The following CBLB variants were observed in gnomAD, a reference collection of about 807,000 sequenced individuals.
The protein encoded by CBLB is E3 ubiquitin-protein ligase CBL-B.
A neutral mutation model predicts 104.9 loss-of-function variants in CBLB; 31 were observed. The observed-to-expected ratio is 0.30, with a 90% CI of 0.22 to 0.40. The LOEUF is 0.40. Among genes scored for constraint, CBLB ranks in the 10% least tolerant of loss-of-function variants. The pLI is 1.00. For missense variants in CBLB, 1,062 were observed against 1,214.6 expected (o/e 0.87, Z 1.87); for synonymous variants, 440 against 422.6 (o/e 1.04, Z -0.51).
Position 105,827,640 on chromosome 3 carries a change from G to A in CBLB, c.419+25774C>T, listed in dbSNP as rs934867339. Among the ~76,000 whole-genome samples the A allele has an allele frequency of 7.2e-5, 11 of 152,146 alleles. 1 individual carries two copies. The highest frequency in any genetic ancestry group is 2.6e-4 in the African/African-American group (11 of 41,510). ...AAAGGGGAGGGAAAGACATGAGGGA[G>A]GAAGACAAAGAAAGGGAGGCAAAGC... On this transcript the variant is annotated intron_variant, in intron 3 of 18. Transcript: ENST00000394030.
chr3:105,858,146 T>C, intron 2 of CBLB, among the ~76,000 whole-genome samples: 1 of 152,196 alleles, frequency 6.6e-6, no homozygotes, highest in Non-Finnish European at 1.5e-5. Flanking sequence ...TAGGCTAAAC[T>C]GTTTTCTAAA....
At chr3:105,808,855 C>T (rs939611552) in intron 3 of CBLB, among the ~76,000 whole-genome samples, 3 of 151,980 alleles carry the variant, frequency 2.0e-5, no homozygotes, top group Admixed American at 6.6e-5. Flanking sequence ...AGGAAAAATG[C>T]AAGAGTATAT....
intron 1 of CBLB, chr3:105,868,096 G>A: frequency 3.7e-6 from 2 of 533,952 alleles, no homozygotes; most frequent in Non-Finnish European, 5.9e-6. Context: ...CAAACGTAAG[G>A]GACAGCTCTG....
At chr3:105,787,103 A>G (rs2081121146) in intron 3 of CBLB, among the ~76,000 whole-genome samples, 1 of 152,202 alleles carries the variant, frequency 6.6e-6, no homozygotes, top group African/African-American at 2.4e-5. Context: ...CATGGCTGTA[A>G]TAACCTACTA....
chr3:105,808,657 G>C (rs1196747641), intron 3 of CBLB, among the ~76,000 whole-genome samples: 1 of 152,048 alleles, frequency 6.6e-6, no homozygotes, highest in African/African-American at 2.4e-5. Flanking sequence ...CTCACTATTT[G>C]AGCCACCAAC....
chr3:105,749,071 A>C (rs1423612439), intron 5 of CBLB, among the ~76,000 whole-genome samples: 1 of 152,242 alleles, frequency 6.6e-6, no homozygotes, highest in Non-Finnish European at 1.5e-5. Context: ...AATACATTTA[A>C]GAAAATCACT....
chr3:105,811,707 T>C (rs2084324381), intron 3 of CBLB, among the ~76,000 whole-genome samples: 1 of 151,960 alleles, frequency 6.6e-6, no homozygotes, highest in Non-Finnish European at 1.5e-5. Context: ...CCTACGAAAA[T>C]TACTTCCTTT....
At chr3:105,726,704 G>GC (rs1703558182) in intron 9 of CBLB, among the ~76,000 whole-genome samples, 1 of 151,910 alleles carries the variant, frequency 6.6e-6, no homozygotes, top group Admixed American at 6.6e-5. Context: ...CCCTCCCCTT[G>GC]CCCCCCAGCC....
chr3:105,704,188 G>T lies in CBLB; in HGVS notation c.1408-15C>A. ...CTGTCAGTGCACTAGAACAGAAAAA[G>T]AGAAAGATGCCGCTGTTTATTAGCT... On this transcript the variant is annotated splice_polypyrimidine_tract_variant and intron_variant, in intron 10 of 18. Transcript: ENST00000394030. 1 of 1,612,166 alleles carries T rather than the reference G, an allele frequency of 6.2e-7. No homozygotes were observed.
intron 18 of CBLB, among the ~76,000 whole-genome samples, chr3:105,664,274 A>C (rs2064130868): frequency 6.6e-6 from 1 of 152,186 alleles, no homozygotes; most frequent in Admixed American, 6.6e-5. Flanking sequence ...ATATAAAGTT[A>C]GGGTTTCTGT....
intron 4 of CBLB, among the ~76,000 whole-genome samples, chr3:105,754,706 C>A (rs940703164): frequency 1.3e-5 from 2 of 152,128 alleles, no homozygotes; most frequent in African/African-American, 4.8e-5. Context: ...AACTGTCAAT[C>A]TACAAAGAAT....
At chr3:105,697,841 A>G (rs1040709391) in intron 12 of CBLB, among the ~76,000 whole-genome samples, 2 of 152,092 alleles carry the variant, frequency 1.3e-5, no homozygotes, top group African/African-American at 4.8e-5. Context: ...AAGAGAACAA[A>G]TAATGACAGT....
At chr3:105,680,632 G>A (rs9832882) in intron 16 of CBLB, among the ~76,000 whole-genome samples, 81,116 of 152,014 alleles carry the variant, frequency 0.53, 22,181 homozygotes, top group Middle Eastern at 0.67. Flanking sequence ...AAAAGATACT[G>A]CAATTGTGTC....
intron 3 of CBLB, among the ~76,000 whole-genome samples, chr3:105,849,692 T>C (rs777727593): frequency 1.3e-5 from 2 of 152,034 alleles, no homozygotes; most frequent in Non-Finnish European, 2.9e-5. Flanking sequence ...TATGATTACA[T>C]CCAATTAAAA....
At chr3:105,795,023 C>A (rs1577257805) in intron 3 of CBLB, among the ~76,000 whole-genome samples, 1 of 152,040 alleles carries the variant, frequency 6.6e-6, no homozygotes, top group Middle Eastern at 3.4e-3. Context: ...AAGAGATTCC[C>A]CTGCCTCAGC....
At position 105,681,577 on chromosome 3, in the gene CBLB, G is replaced by A. The variant is rs147131283; in HGVS notation, c.2330C>T (p.Pro777Leu). Residue 777 changes from proline (P) to leucine (L), a missense_variant, in exon 16 of 19, where the codon CCA (proline) becomes CTA (leucine). By Grantham distance (98) the Pro-to-Leu change is moderately conservative (BLOSUM62 -3). Coordinates refer to ENST00000394030, the MANE Select transcript of CBLB (RefSeq NM_170662.5). ...AGTTGGAGGCCTGGCAGGTGGTAAT[G>A]GCACGGGATCAGAGGCTGAATCAAA... ...DVFDSASDPVPLPPARPPTRD... is the reference protein window; with the variant it reads ...DVFDSASDPVLLPPARPPTRD... The A allele has an allele frequency of 6.2e-7, 1 of 1,613,970 alleles. No individual in the cohort carries two copies. The highest frequency in any genetic ancestry group is 2.2e-5 in the East Asian group (1 of 44,890).
chr3:105,852,162 A>G (rs189358201), intron 3 of CBLB, among the ~76,000 whole-genome samples: 3 of 152,296 alleles, frequency 2.0e-5, no homozygotes, highest in Admixed American at 6.5e-5. Context: ...CAGGCCCTTC[A>G]GGAGGTATTC....
Position 105,845,368 on chromosome 3 carries a change from C to T in CBLB, c.419+8046G>A, listed in dbSNP as rs866385121. ...GGAGTTGGGGGCTGAACAGTATTAA[C>T]ATGGGGCTTAGAAAAAAAAAAAAAA... On this transcript the variant is annotated intron_variant, in intron 3 of 18. Coordinates refer to ENST00000394030, the MANE Select transcript of CBLB (RefSeq NM_170662.5). Among the ~76,000 whole-genome samples, 63 of 139,084 alleles carry T rather than the reference C, an allele frequency of 4.5e-4. No homozygotes were observed. In the Middle Eastern group the frequency reaches 0.011, roughly 25 times the overall value. The allele number at this position is 139,084 out of a possible 152,430, so 91.2% of individuals were successfully genotyped here.
intron 3 of CBLB, among the ~76,000 whole-genome samples, chr3:105,816,197 T>C (rs2085029897): frequency 6.6e-6 from 1 of 152,066 alleles, no homozygotes. Flanking sequence ...GAACTTAGTA[T>C]ATTTTTTAAA....
Sources: gnomAD v4.1 joint callset for allele counts (sites outside exome capture counted in the v4.1 genomes callset) on GRCh38, gnomAD v4.1.1 for gene constraint, MANE v1.5 for transcripts, NCBI Gene and HGNC (gene_info 2026-07-23, HGNC 2026-07-21) for gene names.